The following SFSWAP variants were observed in gnomAD, a reference collection of about 807,000 sequenced individuals.
SFSWAP encodes the protein splicing factor, suppressor of white-apricot homolog.
SFSWAP carries 17 observed loss-of-function variants against 100.7 expected under a neutral mutation model. The observed-to-expected ratio is 0.17, with a 90% CI of 0.12 to 0.25. The LOEUF (loss-of-function observed/expected upper bound fraction) is 0.25. Ranked by LOEUF, SFSWAP falls within the 10% of genes least tolerant of loss-of-function variation. The probability of loss-of-function intolerance (pLI) is 1.00; values close to 1 mark genes in which losing one functional copy is unlikely to be tolerated. For synonymous variants in SFSWAP, 504 were observed against 510.1 expected (o/e 0.99, Z 0.16); for missense variants, 1,005 against 1,262.6 (o/e 0.80, Z 3.09).
chr12:131,727,618 C>T (rs1879106256), intron 6 of SFSWAP, among the ~76,000 whole-genome samples: 1 of 152,088 alleles, frequency 6.6e-6, no homozygotes, highest in Admixed American at 6.5e-5. Flanking sequence ...GCACGCCAGC[C>T]TGGGAGACAG....
At chr12:131,726,916 C>A in intron 5 of SFSWAP, 24 bp from the exon 6 acceptor site, 1 of 1,422,352 alleles carries the variant, frequency 7.0e-7, no homozygotes, top group Non-Finnish European at 9.8e-7. Flanking sequence ...ACACCAAAAT[C>A]TTGAAATGTG....
At chr12:131,745,210 G>A (rs1881000222) in intron 7 of SFSWAP, among the ~76,000 whole-genome samples, 1 of 152,202 alleles carries the variant, frequency 6.6e-6, no homozygotes, top group African/African-American at 2.4e-5. Flanking sequence ...TACATCTTAA[G>A]GAGTTTTTGG....
intron 13 of SFSWAP, among the ~76,000 whole-genome samples, chr12:131,772,289 C>T (rs2136246747): frequency 6.6e-6 from 1 of 152,282 alleles, no homozygotes; most frequent in Non-Finnish European, 1.5e-5. Context: ...TGTTCCTGTT[C>T]AGTCCCGTTG....
Position 131,778,307 on chromosome 12 carries a change from C to T in SFSWAP, c.2385C>T (p.Ala795=), listed in dbSNP as rs531194378. 1.5e-5 allele frequency: 24 copies of T among 1,613,936 alleles called. No individual in the cohort carries two copies. The African/African-American group carries it at 3.1e-4, about 21-fold the overall frequency. ...HSKAKHSLPS[A]YRTVRRSRSR... ...AAGCAAAGCATTCTCTTCCCAGTGC[C>T]TATCGGACAGTGCGGCGGTCGAGGT... Residue 795 remains alanine, a synonymous_variant, in exon 14 of 18, where the codon GCC becomes GCT. Transcript: ENST00000261674. The surrounding 1 kb of genome is among the most constrained non-coding windows in gnomAD (Gnocchi z 4.2).
chr12:131,743,227 C>G (rs1025735100), intron 7 of SFSWAP, among the ~76,000 whole-genome samples: 1 of 152,206 alleles, frequency 6.6e-6, no homozygotes, highest in Non-Finnish European at 1.5e-5. Context: ...TCCCAGCAGT[C>G]CCCCAAAGTC....
intron 7 of SFSWAP, 30 bp from the exon 8 acceptor site, chr12:131,753,093 T>C (rs371989088): frequency 7.2e-5 from 116 of 1,612,422 alleles, no homozygotes; most frequent in Non-Finnish European, 9.2e-5. Context: ...TGGCCGGCCA[T>C]GCTCACTCCG....
intron 14 of SFSWAP, among the ~76,000 whole-genome samples, chr12:131,780,651 G>A (rs1457390214): frequency 4.6e-5 from 7 of 152,140 alleles, no homozygotes; most frequent in Non-Finnish European, 8.8e-5. Context: ...GTGACAGAGC[G>A]AGACCTTGCC....
intron 15 of SFSWAP, chr12:131,796,184 G>C (rs1885664372): frequency 6.6e-6 from 1 of 152,508 alleles, no homozygotes; most frequent in Admixed American, 6.5e-5. Flanking sequence ...AATTCTGAAA[G>C]AAGATGCCAG....
intron 7 of SFSWAP, among the ~76,000 whole-genome samples, chr12:131,729,576 G>A (rs1172779817): frequency 5.9e-5 from 9 of 152,190 alleles, no homozygotes; most frequent in Admixed American, 4.6e-4. Flanking sequence ...TCTTTTTCTC[G>A]CTGATTGCAG....
At chr12:131,779,082 CG>C (rs1362273343) in intron 14 of SFSWAP, among the ~76,000 whole-genome samples, 2 of 149,530 alleles carry the variant, frequency 1.3e-5, no homozygotes, top group Non-Finnish European at 3.0e-5. Context: ...ACGCACTCAC[CG>C]GCACCGCACT....
In SFSWAP at chr12:131,754,390, A is replaced by G; in HGVS notation, c.1345A>G (p.Ile449Val). Residue 449 changes from isoleucine to valine, a missense_variant, in exon 9 of 18, where the codon ATC (isoleucine) becomes GTC (valine). Coordinates refer to ENST00000261674, the MANE Select transcript of SFSWAP (RefSeq NM_004592.4). ...TTSALAPVAA[I>V]IPPPPDVQPV... ...CAGTGCACTTGCCCCCGTGGCCGCC[A>G]TCATCCCCCCGCCCCCCGACGTCCA... 3 of 1,540,656 alleles carry G rather than the reference A, an allele frequency of 1.9e-6. No individual in the cohort carries two copies. Among genetic ancestry groups the G allele is most frequent in the Non-Finnish European group, 2.6e-6 (3 of 1,140,018 alleles).
intron 14 of SFSWAP, among the ~76,000 whole-genome samples, chr12:131,780,215 T>TAAAA (rs1216165882): frequency 6.6e-6 from 1 of 152,392 alleles, no homozygotes; most frequent in East Asian, 1.9e-4. Flanking sequence ...GCGAGTGTTT[T>TAAAA]AAACGTTTCA....
Position 131,711,516 on chromosome 12 carries a change from T to G in SFSWAP, c.218+69T>G. ...CGCTTGATCTCGTCTGATGTTGACT[T>G]GACTGCAAGGACTGCAGAGAGTTTT... On this transcript the variant is annotated intron_variant, in intron 1 of 17. Transcript: ENST00000261674. This position sits in a 1 kb window ranked among gnomAD's most constrained non-coding sequence, Gnocchi z 4.9. 2.2e-6 allele frequency: 3 copies of G among 1,341,176 alleles called. No homozygotes were observed. Among genetic ancestry groups the G allele is most frequent in the Non-Finnish European group, 3.2e-6 (3 of 946,716 alleles). 83.1% of individuals were successfully genotyped at this position (1,341,176 alleles called of 1,614,324 possible). A position where few individuals can be genotyped will look rare whatever the true frequency, so the allele number is the denominator to read the frequency against.
In SFSWAP at chr12:131,766,182, G is replaced by A. The variant is rs1450385692; in HGVS notation, c.2016G>A (p.Lys672=). 1.9e-6 allele frequency: 3 copies of A among 1,614,028 alleles called. No homozygotes were observed. The highest frequency in any genetic ancestry group is 1.6e-4 in the Middle Eastern group (1 of 6,084). The change falls in exon 13 of 18, where the codon AAG becomes AAA. Residue 672 remains lysine (K), a synonymous_variant. Coordinates refer to ENST00000261674, the MANE Select transcript of SFSWAP (RefSeq NM_004592.4). The part of the protein sequence containing the change: ...AAREKLAQAS[K]ESKEKQLQAE... The stretch of plus-strand genomic sequence containing the variant: ...GGGAAAAGCTGGCCCAGGCGTCTAA[G>A]GAGTCAAAAGAGAAACAGCTTCAAG...
chr12:131,785,271 T>C (rs1884811439), intron 14 of SFSWAP: 2 of 1,441,148 alleles, frequency 1.4e-6, no homozygotes, highest in Admixed American at 2.4e-5. Context: ...CTGTAAATCT[T>C]AGGAAAGGTC....
chr12:131,723,333 T>G (rs2136185235), intron 4 of SFSWAP: 1 of 152,334 alleles, frequency 6.6e-6, no homozygotes, highest in African/African-American at 2.4e-5. Context: ...GCACTTTGTT[T>G]TCTAAGTGAT....
intron 7 of SFSWAP, among the ~76,000 whole-genome samples, chr12:131,749,525 G>A (rs1881428133): frequency 6.6e-6 from 1 of 152,238 alleles, no homozygotes; most frequent in Non-Finnish European, 1.5e-5. Context: ...ACAAGGGGCT[G>A]TATACAAAAT....
At position 131,714,256 on chromosome 12, in the gene SFSWAP, AACTT is replaced by A. The variant is rs1208632157; in HGVS notation, c.388+21_388+24del. On this transcript the variant is annotated intron_variant, in intron 2 of 17. Coordinates refer to ENST00000261674, the MANE Select transcript of SFSWAP (RefSeq NM_004592.4). The surrounding 1 kb of genome is among the most constrained non-coding windows in gnomAD (Gnocchi z 6.0). The stretch of plus-strand genomic sequence containing the variant: ...GCAAGGCAAGGTACTGCTCAAGACA[AACTT>A]ACTTCAGCAACAAACTTTTTAAAAT... 1.3e-6 allele frequency: 2 copies of A among 1,573,552 alleles called. No individual in the cohort carries two copies. The highest frequency in any genetic ancestry group is 1.4e-5 in the African/African-American group (1 of 73,312).
intron 11 of SFSWAP, chr12:131,757,553 G>A (rs1882289682): frequency 6.5e-6 from 1 of 152,966 alleles, no homozygotes; most frequent in Non-Finnish European, 1.5e-5. Context: ...TGTGACAGGT[G>A]TGGCAGTGGG....
Sources: allele counts gnomAD v4.1 joint callset (sites outside exome capture counted in the v4.1 genomes callset), GRCh38; gene constraint gnomAD v4.1.1; non-coding constraint Gnocchi (gnomAD v3.1); transcripts MANE v1.5; gene names NCBI Gene and HGNC (gene_info 2026-07-23, HGNC 2026-07-21).